Variants in TTC29 observed in about 807,000 individuals in gnomAD.
TTC29 encodes tetratricopeptide repeat protein 29.
Under a neutral mutation model 58.1 loss-of-function variants are expected in TTC29, and 49 were observed. The ratio of observed to expected loss-of-function variants is 0.84; its 90% CI spans 0.67 to 1.07. TTC29 has a LOEUF of 1.07. TTC29 is among the 50% of genes least tolerant of loss of function. The probability of loss-of-function intolerance (pLI) is 0.00; values close to 1 mark genes in which losing one functional copy is unlikely to be tolerated. For missense variants in TTC29, 582 were observed against 555.6 expected (o/e 1.05, Z -0.48); for synonymous variants, 209 against 196.8 (o/e 1.06, Z -0.52).
intron 4 of TTC29, among the ~76,000 whole-genome samples, chr4:146,917,026 T>C (rs947057034): frequency 6.6e-6 from 1 of 151,204 alleles, no homozygotes; most frequent in Non-Finnish European, 1.5e-5. Flanking sequence ...AAAATATATA[T>C]ATAAAGCACT....
chr4:146,894,828 T>A (rs1313991651), intron 6 of TTC29, among the ~76,000 whole-genome samples: 1 of 152,190 alleles, frequency 6.6e-6, no homozygotes, highest in Non-Finnish European at 1.5e-5. Flanking sequence ...TTGATACCTC[T>A]GTTGTTCTTT....
intron 2 of TTC29, 62 bp from the exon 3 acceptor site, chr4:146,939,963 A>C: frequency 6.9e-7 from 1 of 1,452,284 alleles, no homozygotes; most frequent in Non-Finnish European, 9.3e-7. Flanking sequence ...GGATCCTTTA[A>C]GACATTATTA....
chr4:146,909,856 GT>G (rs764458513), intron 4 of TTC29, among the ~76,000 whole-genome samples: 5 of 152,012 alleles, frequency 3.3e-5, no homozygotes, highest in Admixed American at 6.6e-5. Context: ...CGACAAATAG[GT>G]GCTGAGTTTC....
chr4:146,796,341 T>C (rs1749833423), intron 11 of TTC29, among the ~76,000 whole-genome samples: 1 of 152,222 alleles, frequency 6.6e-6, no homozygotes, highest in South Asian at 2.1e-4. Flanking sequence ...CTAGGAATCA[T>C]AGATTTAAAG....
intron 11 of TTC29, among the ~76,000 whole-genome samples, chr4:146,755,546 T>G (rs1746376120): frequency 1.3e-5 from 2 of 152,142 alleles, no homozygotes; most frequent in South Asian, 2.1e-4. Context: ...ATGTACCACA[T>G]AGGGACGATA....
chr4:146,895,042 G>A (rs1042250393), intron 6 of TTC29, among the ~76,000 whole-genome samples: 1 of 152,098 alleles, frequency 6.6e-6, no homozygotes. Flanking sequence ...GTTCTCATCA[G>A]TCAGCTCCCA....
chr4:146,873,620 T>A (rs1384484007), intron 7 of TTC29, among the ~76,000 whole-genome samples: 1 of 152,172 alleles, frequency 6.6e-6, no homozygotes. Context: ...TGACTAAAGT[T>A]TGCTGCTGAA....
intron 11 of TTC29, among the ~76,000 whole-genome samples, chr4:146,763,240 T>C (rs193096573): frequency 5.3e-5 from 8 of 152,248 alleles, no homozygotes; most frequent in Admixed American, 3.9e-4. Flanking sequence ...TAAGTAAATA[T>C]AAAGTTAAGG....
chr4:146,852,606 G>A (rs1472798965), intron 8 of TTC29, among the ~76,000 whole-genome samples: 2 of 152,208 alleles, frequency 1.3e-5, no homozygotes, highest in African/African-American at 2.4e-5. Flanking sequence ...CTGCTCCAAT[G>A]AGGGAACAAC....
chr4:146,942,677 G>A (rs35788629), intron 2 of TTC29: 105,906 of 1,482,426 alleles, frequency 0.071, 5,233 homozygotes, highest in East Asian at 0.21. Context: ...ACCCACACCA[G>A]TGTAGCCCTA....
chr4:146,756,041 G>T (rs893306872), intron 11 of TTC29, among the ~76,000 whole-genome samples: 4 of 152,096 alleles, frequency 2.6e-5, no homozygotes, highest in Admixed American at 2.6e-4. Context: ...TCGGGAGGCC[G>T]AGGCAGGTGG....
At chr4:146,758,645 C>G (rs1746633109) in intron 11 of TTC29, among the ~76,000 whole-genome samples, 1 of 152,244 alleles carries the variant, frequency 6.6e-6, no homozygotes, top group African/African-American at 2.4e-5. Context: ...AGCACTCTCT[C>G]AGACCACAGT....
At chr4:146,783,925 T>C (rs933592038) in intron 11 of TTC29, among the ~76,000 whole-genome samples, 4 of 152,102 alleles carry the variant, frequency 2.6e-5, no homozygotes, top group African/African-American at 9.7e-5. Context: ...ACCAGGACTC[T>C]ACTCTCAAAT....
chr4:146,777,773 G>C (rs1748220717), intron 11 of TTC29, among the ~76,000 whole-genome samples: 3 of 152,154 alleles, frequency 2.0e-5, no homozygotes, highest in Admixed American at 2.0e-4. Context: ...TAGAGTCCTT[G>C]AGTTATCAAA....
At chr4:146,927,606 A>G (rs1735027942) in intron 4 of TTC29, among the ~76,000 whole-genome samples, 1 of 152,174 alleles carries the variant, frequency 6.6e-6, no homozygotes, top group South Asian at 2.1e-4. Context: ...ATACATGCAT[A>G]GTATAGAACA....
intron 11 of TTC29, among the ~76,000 whole-genome samples, chr4:146,747,805 A>G (rs868713398): frequency 3.6e-4 from 55 of 152,308 alleles, no homozygotes; most frequent in Middle Eastern, 3.4e-3. Context: ...CTCACATCCC[A>G]GGAAATAGAA....
At chr4:146,868,595 T>C (rs1177337848) in intron 7 of TTC29, among the ~76,000 whole-genome samples, 1 of 152,044 alleles carries the variant, frequency 6.6e-6, no homozygotes, top group South Asian at 2.1e-4. Flanking sequence ...AAAAGCAAAA[T>C]GCGTAAAGAT....
At chr4:146,730,541 G>C (rs2150020182) in intron 11 of TTC29, among the ~76,000 whole-genome samples, 1 of 152,262 alleles carries the variant, frequency 6.6e-6, no homozygotes, top group South Asian at 2.1e-4. Flanking sequence ...ATTGAGCCAT[G>C]GGTCACTTTA....
chr4:146,850,818 T>C (rs1322172347), intron 8 of TTC29, among the ~76,000 whole-genome samples: 2 of 152,208 alleles, frequency 1.3e-5, no homozygotes, highest in Non-Finnish European at 2.9e-5. Flanking sequence ...ATCTATGATA[T>C]TATAAACTTA....
Sources: gnomAD v4.1 joint callset for allele counts (sites outside exome capture counted in the v4.1 genomes callset) on GRCh38, gnomAD v4.1.1 for gene constraint, MANE v1.5 for transcripts, NCBI Gene and HGNC (gene_info 2026-07-23, HGNC 2026-07-21) for gene names.